Variants in ATRN observed in about 807,000 individuals in gnomAD.
ATRN encodes attractin-2.
In ATRN, 54 loss-of-function variants were observed where a neutral mutation model predicts 178.7. The observed-to-expected ratio is 0.30, with a 90% CI of 0.24 to 0.38. The LOEUF is 0.38. Ranked by LOEUF, ATRN falls within the 10% of genes least tolerant of loss-of-function variation. ATRN has a pLI of 1.00. For synonymous variants in ATRN, 636 were observed against 663.0 expected (o/e 0.96, Z 0.63); for missense variants, 1,443 against 1,815.1 (o/e 0.79, Z 3.73).
At chr20:3,576,695 G>GTCTATCTA (rs1555819445) in intron 13 of ATRN, among the ~76,000 whole-genome samples, 164 bp from the exon 14 acceptor site, 8,744 of 142,318 alleles carry the variant, frequency 0.061, 319 homozygotes, top group Non-Finnish European at 0.07. Flanking sequence ...CTGTCTGTCT[G>GTCTATCTA]TCTATCTATC....
In ATRN at chr20:3,510,739, T is replaced by C. The variant is rs575204157; in HGVS notation, c.411-24514T>C. ...TTTTAATGTTGATTTTATTCTCCTGTTTGAGGTGCTGTCTTATTTTTCCAC... is the reference window on the plus strand; with the variant it reads ...TTTTAATGTTGATTTTATTCTCCTGCTTGAGGTGCTGTCTTATTTTTCCAC... On this transcript the variant is annotated intron_variant, in intron 1 of 28. Transcript: ENST00000262919. 1.1e-4 allele frequency among the ~76,000 whole-genome samples: 17 copies of C among 152,240 alleles called. No homozygotes were observed. The South Asian group carries it at 3.5e-3, about 32-fold the overall frequency.
At chr20:3,493,039 T>C (rs949534252) in intron 1 of ATRN, among the ~76,000 whole-genome samples, 1 of 146,576 alleles carries the variant, frequency 6.8e-6, no homozygotes, top group African/African-American at 2.5e-5. Flanking sequence ...TTATATAAAA[T>C]ATATAATTAT....
At chr20:3,557,519 C>G (rs1452224908) in intron 6 of ATRN, among the ~76,000 whole-genome samples, 1 of 152,132 alleles carries the variant, frequency 6.6e-6, no homozygotes, top group Non-Finnish European at 1.5e-5. Flanking sequence ...GGAAAGAGTA[C>G]TATGAGCTCT....
In ATRN at chr20:3,542,831, G is replaced by T. The variant is rs2085645112; in HGVS notation, c.608+2496G>T. ...TTTTTTTTTTTTTTGTAGAGACGGG[G>T]TCTCACCATGTTGCCCGGGCTGGTC... On this transcript the variant is annotated intron_variant, in intron 3 of 28. Coordinates refer to ENST00000262919, the MANE Select transcript of ATRN (RefSeq NM_139321.3). Among the ~76,000 whole-genome samples, 4 of 149,000 alleles carry T rather than the reference G, an allele frequency of 2.7e-5. No homozygotes were observed. The South Asian group carries it at 8.5e-4, about 32-fold the overall frequency.
chr20:3,638,797 C>T lies in ATRN; in HGVS notation c.3943-31C>T, dbSNP rs1396094402. Reference sequence around the variant, plus strand: ...TAATAAAACCCCTTCAGTACTCATTCCATTAATGGCTTTGCCATATTATTT... The same window carrying T: ...TAATAAAACCCCTTCAGTACTCATTTCATTAATGGCTTTGCCATATTATTT... On this transcript the variant is annotated intron_variant, in intron 26 of 28. Transcript: ENST00000262919. The surrounding 1 kb of genome is among the most constrained non-coding windows in gnomAD (Gnocchi z 4.5). 2 of 1,589,536 alleles carry T rather than the reference C, an allele frequency of 1.3e-6. No homozygotes were observed. Among genetic ancestry groups the T allele is most frequent in the African/African-American group, 1.3e-5 (1 of 74,430 alleles).
intron 1 of ATRN, among the ~76,000 whole-genome samples, chr20:3,527,411 AAGGC>A: frequency 6.6e-6 from 1 of 152,364 alleles, no homozygotes. Flanking sequence ...GATCATTAAA[AAGGC>A]AGGAAACAAC....
chr20:3,631,959 C>G (rs2086992527), intron 25 of ATRN, among the ~76,000 whole-genome samples: 1 of 152,128 alleles, frequency 6.6e-6, no homozygotes. Flanking sequence ...GTTAGGGTGG[C>G]CCCAGGACAT....
chr20:3,618,448 A>G (rs28437214), intron 24 of ATRN, among the ~76,000 whole-genome samples: 2,776 of 152,360 alleles, frequency 0.018, 79 homozygotes, highest in African/African-American at 0.063. Context: ...ATTGCTTTTC[A>G]TGACTAGCCT....
chr20:3,563,087 C>A, intron 9 of ATRN, 122 bp from the exon 10 acceptor site: 1 of 836,942 alleles, frequency 1.2e-6, no homozygotes, highest in Non-Finnish European at 1.8e-6. Flanking sequence ...GTAGGGAAAA[C>A]TCTGGAAGGA....
intron 6 of ATRN, among the ~76,000 whole-genome samples, chr20:3,558,343 A>G (rs1002475643): frequency 6.6e-6 from 1 of 152,078 alleles, no homozygotes. Flanking sequence ...CTATCTGGAT[A>G]TATTACCATT....
intron 4 of ATRN, among the ~76,000 whole-genome samples, chr20:3,546,451 G>T (rs1048752575): frequency 6.8e-6 from 1 of 147,784 alleles, no homozygotes; most frequent in Non-Finnish European, 1.5e-5. Flanking sequence ...GAGTGCAGTG[G>T]CATGATCTCG....
At chr20:3,594,421 C>T (rs1297710921) in intron 19 of ATRN, 58 bp from the exon 20 acceptor site, 1 of 1,448,552 alleles carries the variant, frequency 6.9e-7, no homozygotes, top group East Asian at 2.4e-5. Flanking sequence ...GAAAAAGTCT[C>T]CAATAGTCAG....
At chr20:3,528,050 C>G (rs1314950225) in intron 1 of ATRN, among the ~76,000 whole-genome samples, 1 of 151,868 alleles carries the variant, frequency 6.6e-6, no homozygotes, top group Non-Finnish European at 1.5e-5. Context: ...CACATGTATC[C>G]CAGAACTTAA....
Position 3,562,321 on chromosome 20 carries a change from A to C in ATRN, c.1493A>C (p.Gln498Pro). The change falls in exon 9 of 29, where the codon CAA becomes CCA. Residue 498 changes from glutamine (Q) to proline (P), a missense_variant. Physicochemically the swap from Gln to Pro is moderately conservative, Grantham distance 76 (BLOSUM62 -1). Around this residue, in one of 4 missense-constraint regions of ATRN, gnomAD observed 862 missense variants for 972.1 expected, o/e 0.89. Coordinates refer to ENST00000262919, the MANE Select transcript of ATRN (RefSeq NM_139321.3). ...SILHTQGALV[Q>P]GGYGHSSVYD... ...TTACACACCCAGGGTGCCCTTGTGCAAGGGGGTTACGGCCATAGCAGTGTT... is the reference window on the plus strand; with the variant it reads ...TTACACACCCAGGGTGCCCTTGTGCCAGGGGGTTACGGCCATAGCAGTGTT... The C allele has an allele frequency of 6.2e-7, 1 of 1,614,070 alleles. No homozygotes were observed. Among genetic ancestry groups the C allele is most frequent in the Non-Finnish European group, 8.5e-7 (1 of 1,179,958 alleles).
Position 3,638,993 on chromosome 20 carries a change from G to C in ATRN, c.4050+58G>C. 1 of 1,422,882 alleles carries C rather than the reference G, an allele frequency of 7.0e-7. No homozygotes were observed. The highest frequency in any genetic ancestry group is 9.7e-7 in the Non-Finnish European group (1 of 1,027,436). The allele number at this position is 1,422,882 out of a possible 1,614,324, so 88.1% of individuals were successfully genotyped here. On this transcript the variant is annotated intron_variant, in intron 27 of 28. Transcript: ENST00000262919. This position sits in a 1 kb window ranked among gnomAD's most constrained non-coding sequence, Gnocchi z 4.5. ...GACTTTTTAAAACTTAGGCTCCTAA[G>C]TCTGGGAAACCAGAGAGAGCAAAAG...
At chr20:3,605,289 G>A (rs1269121466) in intron 24 of ATRN, among the ~76,000 whole-genome samples, 2 of 152,172 alleles carry the variant, frequency 1.3e-5, no homozygotes, top group African/African-American at 2.4e-5. Flanking sequence ...AAACAGGAAC[G>A]CTTTTACACT....
At chr20:3,541,125 T>C (rs574121923) in intron 3 of ATRN, among the ~76,000 whole-genome samples, 1 of 150,566 alleles carries the variant, frequency 6.6e-6, no homozygotes, top group East Asian at 2.0e-4. Flanking sequence ...TCGCCCAGGC[T>C]GGAATGCAGT....
chr20:3,623,791 G>A lies in ATRN; in HGVS notation c.3802-720G>A, dbSNP rs2086915341. On this transcript the variant is annotated intron_variant, in intron 24 of 28. Coordinates refer to ENST00000262919, the MANE Select transcript of ATRN (RefSeq NM_139321.3). ...ATTTGGAGGTATGCATTTTTTCGTGGGCTAATATCCCTGAAATCATGATGC... is the reference window on the plus strand; with the variant it reads ...ATTTGGAGGTATGCATTTTTTCGTGAGCTAATATCCCTGAAATCATGATGC... 2.6e-5 allele frequency among the ~76,000 whole-genome samples: 4 copies of A among 152,098 alleles called. No individual in the cohort carries two copies. In the South Asian group the frequency reaches 8.3e-4, roughly 32 times the overall value.
chr20:3,535,214 AT>A (rs2085509896), intron 1 of ATRN, 38 bp from the exon 2 acceptor site: 1 of 954,312 alleles, frequency 1.0e-6, no homozygotes, highest in African/African-American at 1.8e-5. Flanking sequence ...TGAAATTAAT[AT>A]AGCAGACTTA....
Sources: gnomAD v4.1 joint callset for allele counts (sites outside exome capture counted in the v4.1 genomes callset) on GRCh38, gnomAD v4.1.1 for gene constraint, gnomAD v4.1.1 regional missense constraint, Gnocchi (gnomAD v3.1) non-coding constraint, MANE v1.5 for transcripts, NCBI Gene and HGNC (gene_info 2026-07-23, HGNC 2026-07-21) for gene names.